Variants in NCKAP5 observed in about 807,000 individuals in gnomAD.
NCKAP5 encodes nck-associated protein 5.
Under a neutral mutation model 167.0 loss-of-function variants are expected in NCKAP5, and 92 were observed. The observed-to-expected ratio is 0.55, with a 90% CI of 0.47 to 0.66. The LOEUF (loss-of-function observed/expected upper bound fraction) is 0.66. NCKAP5 is among the 30% of genes least tolerant of loss of function. The pLI is 0.00. For synonymous variants in NCKAP5, 891 were observed against 877.4 expected (o/e 1.02, Z -0.27); for missense variants, 2,378 against 2,315.0 (o/e 1.03, Z -0.56).
intron 2 of NCKAP5, among the ~76,000 whole-genome samples, chr2:133,554,813 A>T (rs1012918578): frequency 2.0e-5 from 3 of 152,148 alleles, no homozygotes; most frequent in African/African-American, 7.2e-5. Flanking sequence ...AGCTGTGAAG[A>T]CATACCAGGA....
intron 11 of NCKAP5, among the ~76,000 whole-genome samples, chr2:132,815,718 C>T (rs980181106): frequency 1.3e-5 from 2 of 152,184 alleles, no homozygotes; most frequent in African/African-American, 2.4e-5. Flanking sequence ...TCACAGAAGA[C>T]GTCACCAAGC....
At chr2:133,182,059 C>T (rs1324859656) in intron 5 of NCKAP5, among the ~76,000 whole-genome samples, 1 of 152,020 alleles carries the variant, frequency 6.6e-6, no homozygotes, top group East Asian at 1.9e-4. Flanking sequence ...ACCAAGAAGA[C>T]ATAGTAATCA....
At chr2:133,253,501 C>G (rs2088455977) in intron 4 of NCKAP5, among the ~76,000 whole-genome samples, 1 of 152,196 alleles carries the variant, frequency 6.6e-6, no homozygotes, top group African/African-American at 2.4e-5. Context: ...TTTATGCCCT[C>G]TCTACCACCC....
intron 3 of NCKAP5, among the ~76,000 whole-genome samples, chr2:133,515,975 G>A (rs1485705213): frequency 6.6e-6 from 1 of 152,214 alleles, no homozygotes; most frequent in Non-Finnish European, 1.5e-5. Context: ...AGCTTATTAT[G>A]TTTAACTTTA....
At chr2:133,420,294 G>A (rs547861528) in intron 3 of NCKAP5, among the ~76,000 whole-genome samples, 19 of 152,336 alleles carry the variant, frequency 1.2e-4, no homozygotes, top group East Asian at 3.9e-4. Flanking sequence ...ATGAAGCACT[G>A]ATGTATACTA....
At chr2:133,387,209 C>T (rs1687045837) in intron 3 of NCKAP5, among the ~76,000 whole-genome samples, 1 of 152,232 alleles carries the variant, frequency 6.6e-6, no homozygotes, top group East Asian at 1.9e-4. Context: ...ATGTTTAGTG[C>T]TTCCTTCAGG....
intron 3 of NCKAP5, among the ~76,000 whole-genome samples, chr2:133,501,117 C>A (rs1234631185): frequency 6.6e-6 from 1 of 152,208 alleles, no homozygotes; most frequent in Non-Finnish European, 1.5e-5. Flanking sequence ...GAAGGTACAG[C>A]TGAAACTCAG....
At position 133,020,151 on chromosome 2, in the gene NCKAP5, T is replaced by C. The variant is rs185281826; in HGVS notation, c.342-25912A>G. Among the ~76,000 whole-genome samples the C allele has an allele frequency of 3.3e-5, 5 of 152,370 alleles. No homozygotes were observed. In the East Asian group the frequency reaches 5.8e-4, roughly 18 times the overall value. On this transcript the variant is annotated intron_variant, in intron 6 of 19. Transcript: ENST00000409261. ...CACATATTAAGTGCTGCTGTAGACATTGGAGCCACCAAAGACGACATCATG... is the reference window on the plus strand; with the variant it reads ...CACATATTAAGTGCTGCTGTAGACACTGGAGCCACCAAAGACGACATCATG...
intron 3 of NCKAP5, among the ~76,000 whole-genome samples, chr2:133,462,081 G>T (rs1024548167): frequency 2.0e-5 from 3 of 152,158 alleles, no homozygotes; most frequent in Non-Finnish European, 4.4e-5. Flanking sequence ...TTTCACATAG[G>T]GAATGTATTT....
chr2:133,012,935 C>G (rs748419138), intron 6 of NCKAP5, among the ~76,000 whole-genome samples: 9 of 152,136 alleles, frequency 5.9e-5, no homozygotes, highest in Non-Finnish European at 1.2e-4. Flanking sequence ...TGCCAGTCAC[C>G]ATATCTCACA....
intron 10 of NCKAP5, 59 bp from the exon 11 acceptor site, chr2:132,860,670 T>C: frequency 1.3e-6 from 2 of 1,521,276 alleles, no homozygotes; most frequent in Non-Finnish European, 1.8e-6. Flanking sequence ...CTTTGCATAT[T>C]ATAACCATAT....
intron 8 of NCKAP5, among the ~76,000 whole-genome samples, chr2:132,952,654 T>G (rs2076223018): frequency 6.6e-6 from 1 of 152,176 alleles, no homozygotes; most frequent in South Asian, 2.1e-4. Context: ...CTGAGAAACC[T>G]AAATTGCAGA....
intron 8 of NCKAP5, among the ~76,000 whole-genome samples, chr2:132,898,612 G>A (rs1335655471): frequency 6.6e-6 from 1 of 152,160 alleles, no homozygotes; most frequent in Non-Finnish European, 1.5e-5. Flanking sequence ...GTTGATCCAT[G>A]AGCTGCAGAA....
At chr2:133,511,252 C>T (rs528000079) in intron 3 of NCKAP5, among the ~76,000 whole-genome samples, 2 of 152,300 alleles carry the variant, frequency 1.3e-5, no homozygotes, top group African/African-American at 4.8e-5. Context: ...CTGATCTCTT[C>T]CCACTCTTTT....
At position 133,472,434 on chromosome 2, in the gene NCKAP5, G is replaced by A. The variant is rs115514580; in HGVS notation, c.69+45024C>T. 7.4e-4 allele frequency among the ~76,000 whole-genome samples: 112 copies of A among 151,834 alleles called. 1 individual carries two copies. Among genetic ancestry groups the A allele is most frequent in the African/African-American group, 2.6e-3 (109 of 41,392 alleles). On this transcript the variant is annotated intron_variant, in intron 3 of 19. Coordinates refer to ENST00000409261, the MANE Select transcript of NCKAP5 (RefSeq NM_207363.3). The stretch of plus-strand genomic sequence containing the variant: ...ATGATGAAGATCTTGGTGCAATGGA[G>A]TTTTGGCACTTTGATTATTTTGTAA...
intron 8 of NCKAP5, among the ~76,000 whole-genome samples, chr2:132,925,398 CAA>C (rs112681327): frequency 7.7e-6 from 1 of 130,520 alleles, no homozygotes; most frequent in Admixed American, 7.8e-5. Flanking sequence ...ACTAAAAGTA[CAA>C]AAAAAAAAAA....
intron 3 of NCKAP5, among the ~76,000 whole-genome samples, chr2:133,308,568 C>T (rs1011766343): frequency 4.6e-5 from 7 of 150,586 alleles, no homozygotes; most frequent in Admixed American, 2.0e-4. Flanking sequence ...CAGATGAAAG[C>T]AAATGATATT....
chr2:132,731,102 G>C (rs1195222944), intron 17 of NCKAP5, among the ~76,000 whole-genome samples: 1 of 152,140 alleles, frequency 6.6e-6, no homozygotes, highest in African/African-American at 2.4e-5. Context: ...AAATTATTTA[G>C]TGTCATCCTG....
chr2:132,866,052 G>A (rs1448483686), intron 10 of NCKAP5, among the ~76,000 whole-genome samples: 1 of 152,182 alleles, frequency 6.6e-6, no homozygotes, highest in Admixed American at 6.5e-5. Context: ...ATTGTTTTCT[G>A]TTTCTGCCTG....
Sources: gnomAD v4.1 joint callset for allele counts (sites outside exome capture counted in the v4.1 genomes callset) on GRCh38, gnomAD v4.1.1 for gene constraint, MANE v1.5 for transcripts, NCBI Gene and HGNC (gene_info 2026-07-23, HGNC 2026-07-21) for gene names.